The following ASTN2 variants were observed in gnomAD, a reference collection of about 807,000 sequenced individuals.
The protein encoded by ASTN2 is astrotactin 2.
Under a neutral mutation model 139.8 loss-of-function variants are expected in ASTN2, and 54 were observed. That is an observed-to-expected ratio of 0.39 (90% CI 0.31 to 0.48). The LOEUF is 0.48. Ranked by LOEUF, ASTN2 falls within the 20% of genes least tolerant of loss-of-function variation. The probability of loss-of-function intolerance (pLI) is 0.95; values close to 1 mark genes in which losing one functional copy is unlikely to be tolerated. For synonymous variants in ASTN2, 756 were observed against 719.5 expected, an observed-to-expected ratio of 1.05 and a Z score of -0.81; for missense variants, 1,565 against 1,725.1, an observed-to-expected ratio of 0.91 and a Z score of 1.64.
intron 19 of ASTN2, among the ~76,000 whole-genome samples, chr9:116,614,008 G>A (rs534956303): frequency 6.6e-6 from 1 of 152,172 alleles, no homozygotes; most frequent in African/African-American, 2.4e-5. Context: ...TTCTCAAGCT[G>A]ATAAGCAACT....
chr9:116,733,249 G>T, intron 14 of ASTN2, 150 bp downstream of exon 14: 1 of 1,101,702 alleles, frequency 9.1e-7, no homozygotes, highest in Non-Finnish European at 1.3e-6. Flanking sequence ...AGGAGCCCAA[G>T]AAAGGGTAAG....
intron 10 of ASTN2, among the ~76,000 whole-genome samples, chr9:116,915,886 G>T (rs113958174): frequency 0.046 from 6,971 of 152,246 alleles, 344 homozygotes; most frequent in African/African-American, 0.12. Context: ...GGGGAGTGAG[G>T]TGGAAAGTGG....
rs547561173 is a variant in ASTN2 at position 117,259,988 on chromosome 9, ATC to A, written c.630+31336_630+31337del. On this transcript the variant is annotated intron_variant, in intron 2 of 22. Transcript: ENST00000313400. The stretch of plus-strand genomic sequence containing the variant: ...ATAAAAGCTTTCTACCTCTTTAAAA[ATC>A]TCATATCCTTTTTTACTTCCTGTCC... 1.7e-3 allele frequency among the ~76,000 whole-genome samples: 264 copies of A among 152,180 alleles called. 1 individual carries two copies. Among genetic ancestry groups the A allele is most frequent in the Admixed American group, 4.3e-3 (65 of 15,280 alleles).
At chr9:117,227,675 C>T (rs1027865755) in intron 2 of ASTN2, among the ~76,000 whole-genome samples, 2 of 152,126 alleles carry the variant, frequency 1.3e-5, no homozygotes, top group African/African-American at 2.4e-5. Context: ...CCTTTTGGTG[C>T]CCAGGTAAGG....
chr9:117,168,954 T>C (rs958781015), intron 3 of ASTN2, among the ~76,000 whole-genome samples: 1 of 152,156 alleles, frequency 6.6e-6, no homozygotes, highest in Non-Finnish European at 1.5e-5. Context: ...TATCTGTTAA[T>C]TGCAGGGGCA....
intron 3 of ASTN2, among the ~76,000 whole-genome samples, chr9:117,191,768 G>A (rs934883627): frequency 5.9e-5 from 9 of 152,250 alleles, no homozygotes; most frequent in Middle Eastern, 3.4e-3. Context: ...GAGAACAGTC[G>A]CTTCAGCCCC....
At chr9:116,863,104 T>A (rs1832932730) in intron 11 of ASTN2, among the ~76,000 whole-genome samples, 2 of 152,080 alleles carry the variant, frequency 1.3e-5, no homozygotes, top group Non-Finnish European at 2.9e-5. Flanking sequence ...GTAAGTTGAC[T>A]CATCTTTTGA....
At chr9:117,098,694 A>C (rs1828896951) in intron 4 of ASTN2, among the ~76,000 whole-genome samples, 1 of 151,830 alleles carries the variant, frequency 6.6e-6, no homozygotes, top group Non-Finnish European at 1.5e-5. Context: ...CAGGGACCTC[A>C]TGGAGATTTT....
intron 19 of ASTN2, among the ~76,000 whole-genome samples, chr9:116,563,509 C>T (rs573812123): frequency 3.3e-5 from 5 of 152,158 alleles, no homozygotes; most frequent in Non-Finnish European, 5.9e-5. Flanking sequence ...ACATCAGACG[C>T]GCTTCCATCT....
chr9:117,304,032 G>C lies in ASTN2; in HGVS notation c.443-12519C>G, dbSNP rs149439891. ...CAGACAAAACCTGCTGCTAACCACAGAATATGTGAGAGAAGCCAACCTGGG... is the reference window on the plus strand; with the variant it reads ...CAGACAAAACCTGCTGCTAACCACACAATATGTGAGAGAAGCCAACCTGGG... On this transcript the variant is annotated intron_variant, in intron 1 of 22. Transcript: ENST00000313400. Among the ~76,000 whole-genome samples the C allele has an allele frequency of 3.3e-5, 5 of 152,316 alleles. No individual in the cohort carries two copies. In the East Asian group the frequency reaches 9.7e-4, roughly 29 times the overall value.
At chr9:116,568,077 C>G (rs1314257538) in intron 19 of ASTN2, among the ~76,000 whole-genome samples, 1 of 152,194 alleles carries the variant, frequency 6.6e-6, no homozygotes, top group Admixed American at 6.5e-5. Context: ...GGTACTTAGT[C>G]TCTTGGTAAA....
chr9:116,491,858 A>C, intron 19 of ASTN2, among the ~76,000 whole-genome samples: 1 of 152,192 alleles, frequency 6.6e-6, no homozygotes, highest in East Asian at 1.9e-4. Context: ...AGTGGTTAGG[A>C]GCCTGGGCTT....
chr9:117,392,979 T>C (rs933516651), intron 1 of ASTN2, among the ~76,000 whole-genome samples: 8 of 152,176 alleles, frequency 5.3e-5, no homozygotes, highest in Non-Finnish European at 1.2e-4. Context: ...GACCAAGTGG[T>C]CATGGTGGCC....
At chr9:116,687,114 A>G (rs1860269556) in intron 16 of ASTN2, 1 of 1,145,636 alleles carries the variant, frequency 8.7e-7, no homozygotes, top group Non-Finnish European at 1.1e-6. Context: ...CGGTTTCTTC[A>G]TCTGCACCAA....
chr9:117,098,778 T>TTA (rs748225600), intron 4 of ASTN2, among the ~76,000 whole-genome samples: 1 of 141,978 alleles, frequency 7.0e-6, no homozygotes, highest in Admixed American at 7.1e-5. Context: ...ATTTTACTGT[T>TTA]AAAAAAAAAA....
chr9:117,279,670 A>C (rs1243257164), intron 2 of ASTN2, among the ~76,000 whole-genome samples: 1 of 152,190 alleles, frequency 6.6e-6, no homozygotes. Flanking sequence ...CAAATTTAGG[A>C]GAGAGCTCTT....
In ASTN2 at chr9:116,467,736, A is replaced by G. The variant is rs139789949; in HGVS notation, c.3497+19623T>C. On this transcript the variant is annotated intron_variant, in intron 20 of 22. Coordinates refer to ENST00000313400, the MANE Select transcript of ASTN2 (RefSeq NM_001365068.1). ...GTCTAAACTCATGTAAATATCCTTTATAAAGTTGTTGTGATGATTAAACAA... is the reference window on the plus strand; with the variant it reads ...GTCTAAACTCATGTAAATATCCTTTGTAAAGTTGTTGTGATGATTAAACAA... 4.0e-3 allele frequency among the ~76,000 whole-genome samples: 614 copies of G among 152,344 alleles called. 4 individuals are homozygous for G. The highest frequency in any genetic ancestry group is 6.9e-3 in the Admixed American group (106 of 15,298).
chr9:116,444,274 A>G (rs1847923007), intron 20 of ASTN2, among the ~76,000 whole-genome samples: 1 of 152,186 alleles, frequency 6.6e-6, no homozygotes, highest in Admixed American at 6.5e-5. Flanking sequence ...CAACTCTGTA[A>G]AAATGTGATT....
intron 1 of ASTN2, among the ~76,000 whole-genome samples, chr9:117,346,468 A>C (rs115564508): frequency 0.01 from 1,588 of 152,252 alleles, 28 homozygotes; most frequent in African/African-American, 0.037. Context: ...CAACCAACTA[A>C]CCAAACTCCT....
Sources: gnomAD v4.1 joint callset for allele counts (sites outside exome capture counted in the v4.1 genomes callset) on GRCh38, gnomAD v4.1.1 for gene constraint, MANE v1.5 for transcripts, NCBI Gene and HGNC (gene_info 2026-07-23, HGNC 2026-07-21) for gene names.